UVRAG: variants seen among roughly 807,000 people sequenced by gnomAD.
The protein encoded by UVRAG is UV radiation resistance-associated gene protein.
A neutral mutation model predicts 78.0 loss-of-function variants in UVRAG; 19 were observed. The observed-to-expected ratio is 0.24, with a 90% CI of 0.17 to 0.36. The LOEUF is 0.36. UVRAG is among the 10% of genes least tolerant of loss of function. UVRAG has a pLI of 1.00. For missense variants in UVRAG, 740 were observed against 853.8 expected, an observed-to-expected ratio of 0.87 and a Z score of 1.66; for synonymous variants, 323 against 324.6, an observed-to-expected ratio of 1.00 and a Z score of 0.05.
intron 7 of UVRAG, among the ~76,000 whole-genome samples, chr11:75,966,255 T>A (rs1236273345): frequency 6.6e-6 from 1 of 152,164 alleles, no homozygotes; most frequent in African/African-American, 2.4e-5. Flanking sequence ...TTTATTCTTA[T>A]AAATTTTTTT....
At chr11:76,087,399 C>G (rs1333265059) in intron 13 of UVRAG, among the ~76,000 whole-genome samples, 1 of 152,164 alleles carries the variant, frequency 6.6e-6, no homozygotes, top group Non-Finnish European at 1.5e-5. Context: ...GGACTCTGCA[C>G]GCTTCATGTC....
chr11:76,073,613 A>T (rs1382504642), intron 13 of UVRAG, among the ~76,000 whole-genome samples: 4 of 152,200 alleles, frequency 2.6e-5, no homozygotes, highest in African/African-American at 9.6e-5. Context: ...TAACTCAATG[A>T]GCCAATGTTT....
At chr11:76,004,806 A>G (rs986286059) in intron 9 of UVRAG, among the ~76,000 whole-genome samples, 1 of 151,906 alleles carries the variant, frequency 6.6e-6, no homozygotes, top group Admixed American at 6.6e-5. Flanking sequence ...TCTTCTTAAT[A>G]TGGTGATTCT....
intron 12 of UVRAG, among the ~76,000 whole-genome samples, chr11:76,018,940 G>A (rs1306324778): frequency 2.0e-5 from 3 of 151,860 alleles, no homozygotes; most frequent in Non-Finnish European, 4.4e-5. Context: ...TCTCTTTCTC[G>A]ACCTCCTCTT....
chr11:75,911,588 G>T, intron 5 of UVRAG: 1 of 176,220 alleles, frequency 5.7e-6, no homozygotes, highest in South Asian at 1.4e-4. Context: ...GGCAGCGTTG[G>T]GCGACATGTC....
chr11:75,899,135 G>A (rs958026698), intron 5 of UVRAG, among the ~76,000 whole-genome samples: 1 of 152,006 alleles, frequency 6.6e-6, no homozygotes, highest in Admixed American at 6.6e-5. Context: ...ATAGAACAAA[G>A]AAAGACTGGG....
chr11:75,968,559 C>CA, intron 7 of UVRAG, among the ~76,000 whole-genome samples: 1 of 152,276 alleles, frequency 6.6e-6, no homozygotes, highest in Middle Eastern at 3.4e-3. Context: ...GACCATAACA[C>CA]AAACACTATA....
chr11:75,944,167 C>G lies in UVRAG; in HGVS notation c.594-17277C>G, dbSNP rs146837905. On this transcript the variant is annotated intron_variant, in intron 6 of 14. Transcript: ENST00000356136. ...CCTTAATGACTTTGAAAAGCTATTC[C>G]CAATACCCTAAACAGCAGTTCCCTT... Among the ~76,000 whole-genome samples the G allele has an allele frequency of 2.6e-5, 4 of 152,192 alleles. No individual in the cohort carries two copies. In the East Asian group the frequency reaches 7.7e-4, roughly 29 times the overall value.
At chr11:76,003,288 T>TTTTTTTTTTTTTTTTTTTTTTTTG (rs1491521163) in intron 8 of UVRAG, among the ~76,000 whole-genome samples, 1 of 62,550 alleles carries the variant, frequency 1.6e-5, no homozygotes, top group African/African-American at 6.1e-5. Context: ...TTTTTTTTTT[T>TTTTTTTTTTTTTTTTTTTTTTTTG]GGAGACAGAG....
intron 3 of UVRAG, among the ~76,000 whole-genome samples, chr11:75,870,238 A>G (rs1401273885): frequency 6.6e-6 from 1 of 152,200 alleles, no homozygotes; most frequent in Non-Finnish European, 1.5e-5. Flanking sequence ...AGTCTTTGTA[A>G]TCAGAAGATT....
Position 75,896,956 on chromosome 11 carries a change from A to G in UVRAG, c.507+8053A>G, listed in dbSNP as rs78981201. On this transcript the variant is annotated intron_variant, in intron 5 of 14. Coordinates refer to ENST00000356136, the MANE Select transcript of UVRAG (RefSeq NM_003369.4). ...TGTGAAGGTAAGTATATAGATACAT[A>G]GAGATACAAGTAAGAATTTCATTTT... 5.0e-3 allele frequency among the ~76,000 whole-genome samples: 758 copies of G among 152,360 alleles called. 3 individuals are homozygous for G. The highest frequency in any genetic ancestry group is 0.018 in the South Asian group (86 of 4,830).
intron 7 of UVRAG, among the ~76,000 whole-genome samples, chr11:75,976,944 C>G (rs1388261942): frequency 6.6e-6 from 1 of 152,124 alleles, no homozygotes; most frequent in East Asian, 1.9e-4. Context: ...TTCTCCAGTT[C>G]TTTTAATTGT....
chr11:75,934,449 AAGATGACTAT>A (rs1948320683), intron 6 of UVRAG, among the ~76,000 whole-genome samples: 1 of 152,182 alleles, frequency 6.6e-6, no homozygotes, highest in African/African-American at 2.4e-5. Context: ...TAGTAAAAAC[AAGATGACTAT>A]AGTAAAAAAA....
At chr11:75,844,674 TTTTC>T (rs375687628) in intron 1 of UVRAG, among the ~76,000 whole-genome samples, 2,186 of 117,486 alleles carry the variant, frequency 0.019, 62 homozygotes, top group African/African-American at 0.058. Context: ...TTCTCTTTTC[TTTTC>T]TTTTTTTTTT....
chr11:75,911,906 A>G, intron 5 of UVRAG, 48 bp from the exon 6 acceptor site: 1 of 1,238,138 alleles, frequency 8.1e-7, no homozygotes, highest in Non-Finnish European at 1.2e-6. Flanking sequence ...TTGTGCATAT[A>G]TTTTATTTTG....
intron 5 of UVRAG, among the ~76,000 whole-genome samples, chr11:75,894,429 G>T (rs1947294436): frequency 6.6e-6 from 1 of 152,098 alleles, no homozygotes; most frequent in South Asian, 2.1e-4. Context: ...ATGAGAGTGG[G>T]TGTTCAAAGG....
chr11:75,927,896 G>T (rs765917721), intron 6 of UVRAG, among the ~76,000 whole-genome samples: 46 of 152,102 alleles, frequency 3.0e-4, no homozygotes, highest in South Asian at 8.3e-4. Flanking sequence ...TTGTTGGAGG[G>T]CTTTGAGCAA....
intron 6 of UVRAG, among the ~76,000 whole-genome samples, chr11:75,939,092 T>G (rs187620322): frequency 0.014 from 2,113 of 146,218 alleles, 33 homozygotes; most frequent in Non-Finnish European, 0.021. Flanking sequence ...TTTCCTAGGG[T>G]TTTTTTTTTT....
intron 1 of UVRAG, among the ~76,000 whole-genome samples, chr11:75,848,888 G>GT (rs1374580077): frequency 6.6e-6 from 1 of 152,144 alleles, no homozygotes; most frequent in Non-Finnish European, 1.5e-5. Flanking sequence ...ACTTAGAAAT[G>GT]TAAGACTAGG....
Sources: gnomAD v4.1 joint callset for allele counts (sites outside exome capture counted in the v4.1 genomes callset) on GRCh38, gnomAD v4.1.1 for gene constraint, MANE v1.5 for transcripts, NCBI Gene and HGNC (gene_info 2026-07-23, HGNC 2026-07-21) for gene names.